XPR1: variants seen among roughly 807,000 people sequenced by gnomAD.
The protein encoded by XPR1 is solute carrier family 53 member 1.
In XPR1, 28 loss-of-function variants were observed where a neutral mutation model predicts 87.5. The observed-to-expected ratio is 0.32, with a 90% CI of 0.24 to 0.44. The LOEUF is 0.44. Among genes scored for constraint, XPR1 ranks in the 20% least tolerant of loss-of-function variants. XPR1 has a pLI of 1.00. For synonymous variants in XPR1, 300 were observed against 306.1 expected, an observed-to-expected ratio of 0.98 and a Z score of 0.21; for missense variants, 559 against 862.3, an observed-to-expected ratio of 0.65 and a Z score of 4.41.
intron 2 of XPR1, among the ~76,000 whole-genome samples, chr1:180,775,578 A>G (rs971126425): frequency 6.6e-6 from 1 of 152,226 alleles, no homozygotes; most frequent in Non-Finnish European, 1.5e-5. Context: ...AGAGTGAAAA[A>G]GAACTAGGAT....
chr1:180,772,469 A>ATGTG (rs140686059), intron 2 of XPR1, among the ~76,000 whole-genome samples: 1 of 151,762 alleles, frequency 6.6e-6, no homozygotes. Flanking sequence ...GCTAAGAAAT[A>ATGTG]TGTGTGTGTG....
chr1:180,770,318 C>T (rs977582809), intron 2 of XPR1, among the ~76,000 whole-genome samples: 1 of 152,082 alleles, frequency 6.6e-6, no homozygotes, highest in Non-Finnish European at 1.5e-5. Flanking sequence ...GATCAGAGTG[C>T]CAGCATGGTT....
At position 180,769,095 on chromosome 1, in the gene XPR1, G is replaced by A. The variant is rs115114136; in HGVS notation, c.122-18658G>A. On this transcript the variant is annotated intron_variant, in intron 2 of 14. Coordinates refer to ENST00000367590, the MANE Select transcript of XPR1 (RefSeq NM_004736.4). ...TTTTTTTTTAACTCAATATTTTTTC[G>A]TTTTTTAAAACATACATTTTTAATT... is the stretch of plus-strand genomic sequence containing the variant. Among the ~76,000 whole-genome samples, 907 of 151,548 alleles carry A rather than the reference G, an allele frequency of 6.0e-3. 11 individuals are homozygous for A. The highest frequency in any genetic ancestry group is 0.021 in the African/African-American group (861 of 41,324).
At chr1:180,828,224 A>T (rs1273334247) in intron 9 of XPR1, among the ~76,000 whole-genome samples, 1 of 152,160 alleles carries the variant, frequency 6.6e-6, no homozygotes, top group African/African-American at 2.4e-5. Flanking sequence ...AATGGTAGGC[A>T]CTGGGTGCCA....
intron 7 of XPR1, among the ~76,000 whole-genome samples, chr1:180,823,163 C>T (rs1435615888): frequency 1.3e-5 from 2 of 151,788 alleles, no homozygotes; most frequent in African/African-American, 2.4e-5. Context: ...ATCGCTTGAA[C>T]GCGGGAGGCA....
intron 2 of XPR1, among the ~76,000 whole-genome samples, chr1:180,775,141 CACA>C (rs970776070): frequency 2.0e-5 from 3 of 152,154 alleles, no homozygotes; most frequent in Middle Eastern, 3.2e-3. Flanking sequence ...ACATTCAAAC[CACA>C]ACATTACATA....
chr1:180,758,087 A>G (rs551271808), intron 2 of XPR1, among the ~76,000 whole-genome samples: 1 of 150,440 alleles, frequency 6.6e-6, no homozygotes, highest in South Asian at 2.1e-4. Flanking sequence ...GGATATATGT[A>G]TACATATATA....
At chr1:180,812,970 G>A (rs1276642202) in intron 7 of XPR1, among the ~76,000 whole-genome samples, 6 of 151,622 alleles carry the variant, frequency 4.0e-5, no homozygotes, top group African/African-American at 1.2e-4. Context: ...CTTGTTTAGT[G>A]TATAGCAGCC....
At chr1:180,687,068 G>T (rs1385014707) in intron 2 of XPR1, among the ~76,000 whole-genome samples, 1 of 152,024 alleles carries the variant, frequency 6.6e-6, no homozygotes, top group Non-Finnish European at 1.5e-5. Context: ...ATGCCGTAAA[G>T]AATACCTCCT....
At chr1:180,734,788 G>A (rs545822409) in intron 2 of XPR1, among the ~76,000 whole-genome samples, 13 of 152,272 alleles carry the variant, frequency 8.5e-5, no homozygotes, top group South Asian at 8.3e-4. Context: ...TCTTGGAAAC[G>A]AAGATGGGGT....
intron 10 of XPR1, 33 bp downstream of exon 10, chr1:180,835,078 T>G: frequency 6.2e-7 from 1 of 1,603,554 alleles, no homozygotes; most frequent in Non-Finnish European, 8.5e-7. Context: ...TACTACTAAA[T>G]CGCTGGTGTA....
chr1:180,648,022 A>G (rs1339075698), intron 1 of XPR1, among the ~76,000 whole-genome samples: 1 of 151,740 alleles, frequency 6.6e-6, no homozygotes, highest in African/African-American at 2.4e-5. Context: ...GTTGTTTAGC[A>G]TTTGAAATTT....
chr1:180,829,489 G>A (rs1307225878), intron 9 of XPR1, among the ~76,000 whole-genome samples: 1 of 152,160 alleles, frequency 6.6e-6, no homozygotes, highest in African/African-American at 2.4e-5. Context: ...ATGTCAGTGA[G>A]TTGAGTATGA....
At chr1:180,728,301 G>GC (rs914088345) in intron 2 of XPR1, among the ~76,000 whole-genome samples, 6 of 146,542 alleles carry the variant, frequency 4.1e-5, no homozygotes, top group African/African-American at 7.5e-5. Flanking sequence ...TATAACTGGG[G>GC]GGGGGGGTAG....
At chr1:180,664,076 A>G (rs1243009708) in intron 1 of XPR1, among the ~76,000 whole-genome samples, 2 of 152,256 alleles carry the variant, frequency 1.3e-5, no homozygotes, top group Non-Finnish European at 2.9e-5. Flanking sequence ...GATGCTGTCT[A>G]AGAGCCAAGA....
chr1:180,682,049 G>T (rs1022523538), intron 1 of XPR1, among the ~76,000 whole-genome samples: 1 of 151,940 alleles, frequency 6.6e-6, no homozygotes, highest in African/African-American at 2.4e-5. Flanking sequence ...TAGGACTTTT[G>T]TTCTGTTTTC....
chr1:180,798,047 T>G (rs961915382), intron 3 of XPR1, among the ~76,000 whole-genome samples: 2 of 147,348 alleles, frequency 1.4e-5, no homozygotes, highest in Non-Finnish European at 2.9e-5. Context: ...TTTTAAAATA[T>G]ATGAATTGTT....
chr1:180,654,948 A>C (rs1388403979), intron 1 of XPR1, among the ~76,000 whole-genome samples: 1 of 152,184 alleles, frequency 6.6e-6, no homozygotes, highest in Non-Finnish European at 1.5e-5. Context: ...TCAGAAGTAT[A>C]ATTACTAGAT....
chr1:180,801,723 ATAAT>A lies in XPR1; in HGVS notation c.224-1663_224-1660del, dbSNP rs1184184798. Among the ~76,000 whole-genome samples, 7 of 152,266 alleles carry A rather than the reference ATAAT, an allele frequency of 4.6e-5. No individual in the cohort carries two copies. In the East Asian group the frequency reaches 1.3e-3, roughly 29 times the overall value. The stretch of plus-strand genomic sequence containing the variant: ...AATTATGAGAAAGCATAAGTTGTAA[ATAAT>A]TCTTTGTTATTATTATATAATTTTT... On this transcript the variant is annotated intron_variant, in intron 3 of 14. Transcript: ENST00000367590.
Sources: gnomAD v4.1 joint callset for allele counts (sites outside exome capture counted in the v4.1 genomes callset) on GRCh38, gnomAD v4.1.1 for gene constraint, MANE v1.5 for transcripts, NCBI Gene and HGNC (gene_info 2026-07-23, HGNC 2026-07-21) for gene names.